AFTPH: variants seen among roughly 807,000 people sequenced by gnomAD.
AFTPH encodes aftiphilin, also known as aftiphilin protein.
A neutral mutation model predicts 72.5 loss-of-function variants in AFTPH; 7 were observed. That is an observed-to-expected ratio of 0.10 (90% CI 0.05 to 0.18). The LOEUF (loss-of-function observed/expected upper bound fraction) is 0.18. Among genes scored for constraint, AFTPH ranks in the 10% least tolerant of loss-of-function variants. AFTPH has a pLI of 1.00. For synonymous variants in AFTPH, 337 were observed against 370.1 expected (o/e 0.91, Z 1.03); for missense variants, 979 against 1,060.5 (o/e 0.92, Z 1.07).
At chr2:64,551,528 T>C (rs35894006) in exon 2 of AFTPH, 26,927 of 1,614,032 alleles carry the variant, frequency 0.017, 245 homozygotes, top group Non-Finnish European at 0.019. Flanking sequence ...CATTAGACAA[T>C]GGAGCAGAGG....
intron 4 of AFTPH, 100 bp from the exon 5 acceptor site, chr2:64,569,523 A>C: frequency 7.5e-7 from 1 of 1,326,584 alleles, no homozygotes; most frequent in Middle Eastern, 2.1e-4. Context: ...TATCATTCCC[A>C]ATATATGTAA....
chr2:64,524,808 C>G (rs764327181), intron 1 of AFTPH, among the ~76,000 whole-genome samples, 196 bp downstream of exon 1: 4 of 152,232 alleles, frequency 2.6e-5, no homozygotes, highest in African/African-American at 9.6e-5. Context: ...TGCGGGAACG[C>G]CGCTGGTGGC....
intron 8 of AFTPH, among the ~76,000 whole-genome samples, chr2:64,588,800 G>A (rs1037463946): frequency 1.2e-4 from 19 of 152,014 alleles, no homozygotes; most frequent in South Asian, 6.2e-4. Context: ...GCCCCAGGCC[G>A]GTCTTGAACT....
At chr2:64,583,858 T>C (rs550338372) in intron 7 of AFTPH, among the ~76,000 whole-genome samples, 1 of 152,336 alleles carries the variant, frequency 6.6e-6, no homozygotes, top group South Asian at 2.1e-4. Context: ...TTTGCTTGTC[T>C]GATTTCTGTA....
At chr2:64,588,398 G>C (rs1188155922) in intron 8 of AFTPH, among the ~76,000 whole-genome samples, 1 of 152,180 alleles carries the variant, frequency 6.6e-6, no homozygotes, top group Non-Finnish European at 1.5e-5. Context: ...TTGCTGCTGT[G>C]AACACTTGTG....
At chr2:64,548,197 T>C (rs980693026) in intron 1 of AFTPH, among the ~76,000 whole-genome samples, 2 of 145,416 alleles carry the variant, frequency 1.4e-5, no homozygotes, top group East Asian at 2.0e-4. Context: ...ATCGAGACCA[T>C]CCTGGCTAAC....
At chr2:64,582,855 G>A (rs1382426167) in intron 7 of AFTPH, among the ~76,000 whole-genome samples, 1 of 152,104 alleles carries the variant, frequency 6.6e-6, no homozygotes, top group East Asian at 1.9e-4. Context: ...AAATAACGTG[G>A]CTATATAAAG....
intron 1 of AFTPH, among the ~76,000 whole-genome samples, chr2:64,548,407 G>GAAAAAAAAAAA (rs57995634): frequency 6.7e-5 from 4 of 59,980 alleles, no homozygotes; most frequent in African/African-American, 1.2e-4. Flanking sequence ...CTCAAAAAAA[G>GAAAAAAAAAAA]AAAAAAAAAA....
chr2:64,559,151 A>G (rs892652051), intron 2 of AFTPH, among the ~76,000 whole-genome samples: 1 of 152,126 alleles, frequency 6.6e-6, no homozygotes, highest in Non-Finnish European at 1.5e-5. Flanking sequence ...TCCTGTGTAC[A>G]CCTCTCTGGA....
chr2:64,538,283 A>G (rs1369586026), intron 1 of AFTPH, among the ~76,000 whole-genome samples: 1 of 152,026 alleles, frequency 6.6e-6, no homozygotes, highest in Non-Finnish European at 1.5e-5. Flanking sequence ...TTTTTCTTTT[A>G]TCCTTTAGCC....
At chr2:64,563,648 G>A (rs1243714119) in intron 2 of AFTPH, among the ~76,000 whole-genome samples, 1 of 152,138 alleles carries the variant, frequency 6.6e-6, no homozygotes, top group Non-Finnish European at 1.5e-5. Context: ...TGTGCTTCTT[G>A]GAAAGCAAAG....
chr2:64,585,603 A>C, intron 8 of AFTPH, 58 bp downstream of exon 9: 1 of 1,542,280 alleles, frequency 6.5e-7, no homozygotes, highest in African/African-American at 1.4e-5. Flanking sequence ...AACGACCCAA[A>C]GGAAAAAGCA....
chr2:64,545,981 C>T (rs953883703), intron 1 of AFTPH, among the ~76,000 whole-genome samples: 1 of 152,018 alleles, frequency 6.6e-6, no homozygotes, highest in Non-Finnish European at 1.5e-5. Context: ...CAACCTCTGC[C>T]TCCCGGGTTC....
intron 8 of AFTPH, among the ~76,000 whole-genome samples, chr2:64,587,062 G>A (rs1003871829): frequency 6.6e-6 from 1 of 152,104 alleles, no homozygotes; most frequent in Admixed American, 6.6e-5. Context: ...AATTCATTTC[G>A]TGCCATTAGG....
intron 1 of AFTPH, among the ~76,000 whole-genome samples, chr2:64,539,165 ATCT>A (rs1325107761): frequency 6.6e-6 from 1 of 152,138 alleles, no homozygotes; most frequent in Non-Finnish European, 1.5e-5. Flanking sequence ...TGATTGCAAA[ATCT>A]TCTGTGGGAA....
Position 64,589,124 on chromosome 2 carries a change from C to T in AFTPH, c.2580-2761C>T, listed in dbSNP as rs116574205. 6.1e-3 allele frequency among the ~76,000 whole-genome samples: 929 copies of T among 152,266 alleles called. 12 individuals carry two copies. Among genetic ancestry groups the T allele is most frequent in the African/African-American group, 0.021 (888 of 41,540 alleles). The stretch of plus-strand genomic sequence containing the variant: ...ATATCTAAGAAATCATTGCCCAATT[C>T]ATGGTCACAAAGATTTATACCTAGA... On this transcript the variant is annotated intron_variant, in intron 8 of 8. Transcript: ENST00000238856.
chr2:64,550,515 A>G (rs778246994), intron 1 of AFTPH, among the ~76,000 whole-genome samples: 1 of 152,216 alleles, frequency 6.6e-6, no homozygotes, highest in Non-Finnish European at 1.5e-5. Context: ...GTAACAAATT[A>G]TAATGATGTA....
chr2:64,525,163 C>T (rs1161846583), intron 1 of AFTPH, among the ~76,000 whole-genome samples: 3 of 152,212 alleles, frequency 2.0e-5, no homozygotes, highest in Admixed American at 6.5e-5. Context: ...GCATCCCTTC[C>T]TCAGAGTACC....
At chr2:64,572,872 C>A (rs1469729129) in intron 5 of AFTPH, 74 bp from the exon 6 acceptor site, 19 of 1,555,334 alleles carry the variant, frequency 1.2e-5, no homozygotes, top group Non-Finnish European at 1.7e-5. Flanking sequence ...TTACCTTCTT[C>A]TTTCTGATAG....
Sources: gnomAD v4.1 joint callset for allele counts (sites outside exome capture counted in the v4.1 genomes callset) on GRCh38, gnomAD v4.1.1 for gene constraint, MANE v1.5 for transcripts, NCBI Gene and HGNC (gene_info 2026-07-23, HGNC 2026-07-21) for gene names.